The following MRPL37 variants were observed in gnomAD, a reference collection of about 807,000 sequenced individuals.
The protein encoded by MRPL37 is mitochondrial ribosomal protein L37, also known as large ribosomal subunit protein mL37.
Under a neutral mutation model 44.1 loss-of-function variants are expected in MRPL37, and 34 were observed. The ratio of observed to expected loss-of-function variants is 0.77; its 90% CI spans 0.59 to 1.03. The LOEUF is 1.03. MRPL37 is among the 50% of genes least tolerant of loss of function. The pLI is 0.00. For synonymous variants in MRPL37, 212 were observed against 219.5 expected, an observed-to-expected ratio of 0.97 and a Z score of 0.30; for missense variants, 532 against 543.7, an observed-to-expected ratio of 0.98 and a Z score of 0.21.
intron 4 of MRPL37, among the ~76,000 whole-genome samples, chr1:54,212,026 A>G (rs1644168936): frequency 6.6e-6 from 1 of 152,208 alleles, no homozygotes; most frequent in Non-Finnish European, 1.5e-5. Context: ...TAAAGTAGTA[A>G]ATTTTGCAAA....
downstream of MRPL37, among the ~76,000 whole-genome samples, chr1:54,224,472 G>A (rs947778399): frequency 2.0e-5 from 3 of 152,262 alleles, no homozygotes; most frequent in Admixed American, 6.5e-5. Context: ...CAGCCAACCC[G>A]CCATCCCCCA....
chr1:54,206,691 T>C (rs1046378971), intron 3 of MRPL37, among the ~76,000 whole-genome samples: 1 of 152,096 alleles, frequency 6.6e-6, no homozygotes, highest in African/African-American at 2.4e-5. Context: ...ATTACAGACA[T>C]GAGCCACTGT....
rs763565128 is a variant in MRPL37 at position 54,200,323 on chromosome 1, G to C, written c.80G>C (p.Arg27Thr). ...GGCCTTGGGGGCTTCGGGGCCCCGA[G>C]ACGCGGGGCGTATGAGTGGGGCGTG... ...QLGLGGFGAPRRGAYEWGVRS... is the reference protein window; with the variant it reads ...QLGLGGFGAPTRGAYEWGVRS... Residue 27 changes from arginine (R) to threonine (T), a missense_variant, in exon 1 of 7, where the codon AGA becomes ACA. Transcript: ENST00000360840. 1.9e-5 allele frequency: 31 copies of C among 1,613,682 alleles called. No homozygotes were observed. The highest frequency in any genetic ancestry group is 2.5e-5 in the Non-Finnish European group (29 of 1,179,892).
rs35052040 is a variant in MRPL37 at position 54,214,649 on chromosome 1, CAG to C, written c.991-1489_991-1488del. On this transcript the variant is annotated intron_variant, in intron 5 of 6. Coordinates refer to ENST00000360840, the MANE Select transcript of MRPL37 (RefSeq NM_016491.4). ...TAGCCTCTGTGCCAGCTATTGCCAT[CAG>C]AGTCTGGGTAGCAACGATACAACTA... 6.4e-3 allele frequency among the ~76,000 whole-genome samples: 979 copies of C among 152,338 alleles called. 14 individuals carry two copies. The highest frequency in any genetic ancestry group is 0.023 in the African/African-American group (940 of 41,562).
At chr1:54,209,344 C>G (rs1259002267) in intron 3 of MRPL37, among the ~76,000 whole-genome samples, 1 of 151,992 alleles carries the variant, frequency 6.6e-6, no homozygotes, top group African/African-American at 2.4e-5. Flanking sequence ...CATCCTAACT[C>G]AAAGTTTTGT....
intron 1 of MRPL37, among the ~76,000 whole-genome samples, chr1:54,204,775 G>A (rs942446389): frequency 6.6e-6 from 1 of 152,134 alleles, no homozygotes; most frequent in Non-Finnish European, 1.5e-5. Flanking sequence ...AGTGGCAGGC[G>A]CTCACCACCT....
In MRPL37 at chr1:54,216,189, A is replaced by G; in HGVS notation, c.1039A>G (p.Thr347Ala). The G allele has an allele frequency of 6.2e-7, 1 of 1,614,230 alleles. No homozygotes were observed. The change falls in exon 6 of 7, where the codon ACG becomes GCG. Residue 347 changes from threonine (T) to alanine (A), a missense_variant. Thr to Ala is a moderately conservative substitution (Grantham distance 58). Transcript: ENST00000360840. The stretch of plus-strand genomic sequence containing the variant: ...GCCCGTGGTGGTGCAGAGCGTGGGC[A>G]CGGATGGACGTGTCTTCCATTTCCT... ...EQPVVVQSVG[T>A]DGRVFHFLVF...
At chr1:54,208,442 G>T (rs370088731) in intron 3 of MRPL37, among the ~76,000 whole-genome samples, 1 of 151,516 alleles carries the variant, frequency 6.6e-6, no homozygotes, top group African/African-American at 2.4e-5. Flanking sequence ...CCAGCTACTC[G>T]GGAGGCTGAG....
chr1:54,216,158 G>C lies in MRPL37; in HGVS notation c.1008G>C (p.Leu336Phe), dbSNP rs144251283. The change falls in exon 6 of 7, where the codon TTG becomes TTC. Residue 336 changes from leucine (L) to phenylalanine (F), a missense_variant. Leu to Phe is a conservative substitution (Grantham distance 22). Coordinates refer to ENST00000360840, the MANE Select transcript of MRPL37 (RefSeq NM_016491.4). Reference protein sequence around the residue: ...RLLYGNDAKVLEQPVVVQSVG... With the variant: ...RLLYGNDAKVFEQPVVVQSVG... ...CCTCTCAGAATGATGCCAAGGTCTT[G>C]GAGCAGCCCGTGGTGGTGCAGAGCG... 832 of 1,614,216 alleles carry C rather than the reference G, an allele frequency of 5.2e-4. 1 individual carries two copies. The highest frequency in any genetic ancestry group is 6.8e-4 in the Non-Finnish European group (802 of 1,180,034).
At position 54,218,338 on chromosome 1, in the gene MRPL37, G is replaced by A. The variant is rs939936503; in HGVS notation, c.*89G>A. 132 of 1,601,338 alleles carry A rather than the reference G, an allele frequency of 8.2e-5. No homozygotes were observed. The highest frequency in any genetic ancestry group is 2.0e-4 in the Middle Eastern group (1 of 4,884). The stretch of plus-strand genomic sequence containing the variant: ...CCCGTGGAGCCTCAGTGCCCGTTTG[G>A]CCTGCTGCTCTCGCTGACAATAAAG... On this transcript the variant is annotated 3_prime_UTR_variant, in exon 7 of 7. Transcript: ENST00000360840.
At chr1:54,221,047 G>C (rs977118218), downstream of MRPL37, 1 of 352,966 alleles carries the variant, frequency 2.8e-6, no homozygotes, top group East Asian at 7.8e-5. Flanking sequence ...CCACTTCCTC[G>C]CTGGCAAAAT....
chr1:54,215,675 CCTCA>C (rs1644192095), intron 5 of MRPL37, among the ~76,000 whole-genome samples: 1 of 152,202 alleles, frequency 6.6e-6, no homozygotes, highest in East Asian at 1.9e-4. Context: ...AGTCACTTTA[CCTCA>C]CTGAGTCTCA....
chr1:54,203,628 C>T (rs1644100291), intron 1 of MRPL37, among the ~76,000 whole-genome samples: 1 of 151,938 alleles, frequency 6.6e-6, no homozygotes, highest in East Asian at 1.9e-4. Flanking sequence ...CAAGCACCAC[C>T]ACACCCAGCT....
intron 3 of MRPL37, 101 bp downstream of exon 3, chr1:54,205,511 C>A: frequency 1.1e-6 from 1 of 920,792 alleles, no homozygotes; most frequent in Non-Finnish European, 1.7e-6. Context: ...AAATACCGAT[C>A]CTTACTCCCA....
intron 4 of MRPL37, among the ~76,000 whole-genome samples, chr1:54,211,969 G>A (rs913702628): frequency 3.3e-5 from 5 of 152,254 alleles, no homozygotes; most frequent in Non-Finnish European, 7.3e-5. Context: ...CACCAGTGTT[G>A]TGTGGGTCAG....
At chr1:54,216,384 GCCT>G in intron 6 of MRPL37, 40 bp downstream of exon 6, 1 of 1,597,224 alleles carries the variant, frequency 6.3e-7, no homozygotes, top group South Asian at 1.1e-5. Flanking sequence ...GGAGGGCCAT[GCCT>G]CCTCCTACCT....
In MRPL37 at chr1:54,205,064, C is replaced by T; in HGVS notation, c.393C>T (p.Gly131=). 1.2e-6 allele frequency: 2 copies of T among 1,614,176 alleles called. No homozygotes were observed. The highest frequency in any genetic ancestry group is 1.7e-6 in the Non-Finnish European group (2 of 1,180,044). The change falls in exon 2 of 7, where the codon GGC becomes GGT. Residue 131 remains glycine (G), a synonymous_variant. Transcript: ENST00000360840. The part of the protein sequence containing the change: ...LWLTKTKLIE[G]LPEKVLSLVD... Reference sequence around the variant, plus strand: ...TCACCAAGACCAAGTTAATAGAAGGCCTTCCCGAGAAAGTGCTTAGCCTTG... The same window carrying T: ...TCACCAAGACCAAGTTAATAGAAGGTCTTCCCGAGAAAGTGCTTAGCCTTG...
At chr1:54,204,777 T>C (rs1161159318) in intron 1 of MRPL37, among the ~76,000 whole-genome samples, 2 of 152,322 alleles carry the variant, frequency 1.3e-5, no homozygotes, top group East Asian at 3.9e-4. Context: ...TGGCAGGCGC[T>C]CACCACCTCA....
chr1:54,211,350 G>A (rs1644163199), intron 4 of MRPL37, among the ~76,000 whole-genome samples: 1 of 152,022 alleles, frequency 6.6e-6, no homozygotes, highest in African/African-American at 2.4e-5. Context: ...CTCCATTCCT[G>A]GTACCTGTCT....
Sources: gnomAD v4.1 joint callset for allele counts (sites outside exome capture counted in the v4.1 genomes callset) on GRCh38, gnomAD v4.1.1 for gene constraint, MANE v1.5 for transcripts, NCBI Gene and HGNC (gene_info 2026-07-23, HGNC 2026-07-21) for gene names.